Variants in TANC1 observed in about 807,000 individuals in gnomAD.
The protein encoded by TANC1 is protein TANC1.
In TANC1, 77 loss-of-function variants were observed where a neutral mutation model predicts 149.7. The observed-to-expected ratio is 0.51, with a 90% confidence interval of 0.43 to 0.62. The LOEUF is 0.62. Among genes scored for constraint, TANC1 ranks in the 20% least tolerant of loss-of-function variants. TANC1 has a pLI of 0.00. For synonymous variants in TANC1, 854 were observed against 925.0 expected (o/e 0.92, Z 1.39); for missense variants, 1,985 against 2,321.8 (o/e 0.85, Z 2.98).
intron 3 of TANC1, among the ~76,000 whole-genome samples, chr2:159,091,965 G>A (rs532830972): frequency 6.8e-6 from 1 of 146,812 alleles, no homozygotes; most frequent in Admixed American, 6.6e-5. Context: ...TAAATATAGG[G>A]GGGGGTGTGT....
At position 159,149,387 on chromosome 2, in the gene TANC1, G is replaced by C. The variant is rs544555491; in HGVS notation, c.495+115G>C. 472 of 1,470,968 alleles carry C rather than the reference G, an allele frequency of 3.2e-4. 2 individuals carry two copies. In the African/African-American group the frequency reaches 6.1e-3, roughly 19 times the overall value. The allele number at this position is 1,470,968 out of a possible 1,614,324, so 91.1% of individuals were successfully genotyped here. On this transcript the variant is annotated intron_variant, in intron 6 of 26. Transcript: ENST00000263635. ...CCATTGTTCAGTTAAATGAGTTCTG[G>C]GCTGTTGTGTATTGAAATTTATTTC... is the stretch of plus-strand genomic sequence containing the variant.
chr2:159,053,103 C>T (rs1055763304), intron 2 of TANC1, among the ~76,000 whole-genome samples: 1 of 150,990 alleles, frequency 6.6e-6, no homozygotes, highest in African/African-American at 2.4e-5. Flanking sequence ...TCATTTGAGA[C>T]TAGATTTGTT....
chr2:159,080,836 G>A (rs921789616), intron 3 of TANC1, among the ~76,000 whole-genome samples: 5 of 152,192 alleles, frequency 3.3e-5, no homozygotes, highest in African/African-American at 4.8e-5. Context: ...GATGCCTTCC[G>A]TGGCACTGTG....
intron 7 of TANC1, among the ~76,000 whole-genome samples, chr2:159,152,117 C>A (rs752394403): frequency 6.6e-6 from 1 of 152,156 alleles, no homozygotes; most frequent in Non-Finnish European, 1.5e-5. Context: ...AATTTATATT[C>A]TTTTCACTCA....
At chr2:158,990,802 G>A (rs1187761814) in intron 1 of TANC1, among the ~76,000 whole-genome samples, 1 of 152,178 alleles carries the variant, frequency 6.6e-6, no homozygotes, top group Non-Finnish European at 1.5e-5. Context: ...GCTGAGTGCT[G>A]TGGCTCACAC....
intron 2 of TANC1, among the ~76,000 whole-genome samples, chr2:159,023,424 C>T (rs984211239): frequency 3.3e-5 from 5 of 151,612 alleles, no homozygotes; most frequent in African/African-American, 1.2e-4. Context: ...CTCACTGCAA[C>T]CTCCACCCTC....
intron 4 of TANC1, among the ~76,000 whole-genome samples, chr2:159,124,047 G>A (rs576151157): frequency 2.0e-5 from 3 of 152,236 alleles, no homozygotes; most frequent in South Asian, 4.1e-4. Context: ...CAGACAGGCC[G>A]TGCCAGTGGG....
At chr2:159,097,544 A>G (rs909287588) in intron 3 of TANC1, 93 bp from the exon 4 acceptor site, 6 of 981,582 alleles carry the variant, frequency 6.1e-6, no homozygotes, top group Non-Finnish European at 9.4e-6. Context: ...ATATGTGGGA[A>G]TTATATTCTG....
intron 4 of TANC1, among the ~76,000 whole-genome samples, chr2:159,100,747 G>C: frequency 6.6e-6 from 1 of 152,134 alleles, no homozygotes; most frequent in South Asian, 2.1e-4. Context: ...GTTTAAAAAT[G>C]GCAGTGACTC....
intron 3 of TANC1, among the ~76,000 whole-genome samples, chr2:159,073,256 GAT>G (rs2043315512): frequency 6.6e-6 from 1 of 152,174 alleles, no homozygotes; most frequent in Non-Finnish European, 1.5e-5. Flanking sequence ...AAATATAAAG[GAT>G]GAAAGAGTTA....
At chr2:159,074,438 G>A (rs2043446899) in intron 3 of TANC1, among the ~76,000 whole-genome samples, 1 of 152,140 alleles carries the variant, frequency 6.6e-6, no homozygotes, top group Admixed American at 6.6e-5. Context: ...GGTTTTTGTA[G>A]ATCACGAAAC....
chr2:159,211,963 C>A (rs1394634869), intron 19 of TANC1, among the ~76,000 whole-genome samples: 1 of 152,232 alleles, frequency 6.6e-6, no homozygotes, highest in Admixed American at 6.5e-5. Flanking sequence ...GCGCACTCGC[C>A]CCTTGTCAGT....
At chr2:159,136,049 T>TGTGA in intron 4 of TANC1, 145 bp from the exon 5 acceptor site, 2 of 90,876 alleles carry the variant, frequency 2.2e-5, no homozygotes, top group East Asian at 3.1e-4. Flanking sequence ...TGTGTGTGTG[T>TGTGA]GCGCGCGCGC....
At chr2:159,188,322 G>A (rs939599092) in intron 16 of TANC1, among the ~76,000 whole-genome samples, 6 of 152,214 alleles carry the variant, frequency 3.9e-5, no homozygotes, top group Non-Finnish European at 1.5e-5. Flanking sequence ...TGCCACTTTG[G>A]TAAATTAAAG....
At chr2:159,130,334 A>G (rs200124434) in intron 4 of TANC1, among the ~76,000 whole-genome samples, 2 of 152,328 alleles carry the variant, frequency 1.3e-5, no homozygotes, top group East Asian at 3.9e-4. Flanking sequence ...GGAAGTTAAA[A>G]GTAGCTTATG....
intron 1 of TANC1, among the ~76,000 whole-genome samples, chr2:158,985,934 C>T (rs904959388): frequency 2.0e-5 from 3 of 152,130 alleles, no homozygotes; most frequent in Non-Finnish European, 4.4e-5. Flanking sequence ...AGCGACCGCA[C>T]CCAGCTGACT....
chr2:159,064,091 G>C (rs971972853), intron 2 of TANC1, among the ~76,000 whole-genome samples: 1 of 152,052 alleles, frequency 6.6e-6, no homozygotes, highest in South Asian at 2.1e-4. Flanking sequence ...CCCCAAAGTT[G>C]GTTGGTTGAA....
intron 2 of TANC1, among the ~76,000 whole-genome samples, chr2:159,044,690 C>G (rs1367303485): frequency 6.6e-6 from 1 of 152,106 alleles, no homozygotes. Flanking sequence ...CCCAAGACAT[C>G]CAGGACCAAA....
At chr2:158,990,148 C>CTCG (rs1047354506) in intron 1 of TANC1, among the ~76,000 whole-genome samples, 6 of 151,904 alleles carry the variant, frequency 3.9e-5, no homozygotes, top group African/African-American at 1.5e-4. Context: ...CACTCCTGAC[C>CTCG]TCGTGATCTG....
Sources: allele counts gnomAD v4.1 joint callset (sites outside exome capture counted in the v4.1 genomes callset), GRCh38; gene constraint gnomAD v4.1.1; transcripts MANE v1.5; gene names NCBI Gene and HGNC (gene_info 2026-07-23, HGNC 2026-07-21).